CSK: variants seen among roughly 807,000 people sequenced by gnomAD.
CSK encodes the protein C-terminal Src kinase.
CSK carries 7 observed loss-of-function variants against 62.3 expected under a neutral mutation model. The observed-to-expected ratio is 0.11, with a 90% CI of 0.06 to 0.21. The LOEUF is 0.21. Among genes scored for constraint, CSK ranks in the 10% least tolerant of loss-of-function variants. The probability of loss-of-function intolerance (pLI) is 1.00; values close to 1 mark genes in which losing one functional copy is unlikely to be tolerated. For missense variants in CSK, 294 were observed against 613.5 expected, an observed-to-expected ratio of 0.48 and a Z score of 5.50; for synonymous variants, 237 against 246.0, an observed-to-expected ratio of 0.96 and a Z score of 0.34.
Position 74,798,470 on chromosome 15 carries a change from G to C in CSK, c.16-145G>C. ...TGGGGAAGTGGGGGAGTCTCAACAG[G>C]AAGGGACCCAGGGCTCGTTCTCCGG... On this transcript the variant is annotated intron_variant, in intron 2 of 12. Transcript: ENST00000220003. The surrounding 1 kb of genome is among the most constrained non-coding windows in gnomAD (Gnocchi z 6.6). 8.1e-7 allele frequency: 1 copy of C among 1,238,286 alleles called. No homozygotes were observed. Among genetic ancestry groups the C allele is most frequent in the Non-Finnish European group, 1.2e-6 (1 of 862,778 alleles). The allele number at this position is 1,238,286 out of a possible 1,614,324, so 76.7% of individuals were successfully genotyped here. A position where few individuals can be genotyped will look rare whatever the true frequency, so the allele number is the denominator to read the frequency against.
intron 1 of CSK, among the ~76,000 whole-genome samples, chr15:74,783,329 T>C (rs1285281603): frequency 6.6e-6 from 1 of 152,168 alleles, no homozygotes; most frequent in Non-Finnish European, 1.5e-5. Context: ...ATTAGCACCA[T>C]GCCCCCACCT....
At chr15:74,794,826 T>C (rs978555693) in intron 1 of CSK, among the ~76,000 whole-genome samples, 3 of 152,104 alleles carry the variant, frequency 2.0e-5, no homozygotes, top group South Asian at 2.1e-4. Context: ...CCCAGCTCCT[T>C]CTGCTCTCCA....
Position 74,799,344 on chromosome 15 carries a change from G to A in CSK, c.315G>A (p.Leu105=), listed in dbSNP as rs1225588693. 6.2e-7 allele frequency: 1 copy of A among 1,612,864 alleles called. No individual in the cohort carries two copies. Among genetic ancestry groups the A allele is most frequent in the African/African-American group, 1.3e-5 (1 of 74,908 alleles). Residue 105 remains leucine, a synonymous_variant, in exon 5 of 13, where the codon CTG becomes CTA. Transcript: ENST00000220003. ...ACCCGCCGGAGACAGGCCTGTTCCT[G>A]GTGCGGGAGAGCACCAACTACCCCG... ...LLYPPETGLF[L]VRESTNYPGD...
At chr15:74,784,937 C>T (rs943280403) in intron 1 of CSK, among the ~76,000 whole-genome samples, 4 of 152,104 alleles carry the variant, frequency 2.6e-5, no homozygotes, top group Non-Finnish European at 4.4e-5. Flanking sequence ...AGAAAGGCAT[C>T]CCATGGCAGA....
chr15:74,788,804 G>T (rs1482276880), intron 1 of CSK: 2 of 154,274 alleles, frequency 1.3e-5, no homozygotes, highest in African/African-American at 4.8e-5. Flanking sequence ...GACTTTGAAG[G>T]GTCCATTGAA....
intron 1 of CSK, among the ~76,000 whole-genome samples, chr15:74,783,699 G>T (rs1289224730): frequency 6.6e-6 from 1 of 152,228 alleles, no homozygotes; most frequent in East Asian, 1.9e-4. Context: ...AAGGGCTTCC[G>T]GCTCCAGCTG....
At chr15:74,796,209 A>C (rs1250422500) in intron 1 of CSK, among the ~76,000 whole-genome samples, 1 of 151,954 alleles carries the variant, frequency 6.6e-6, no homozygotes, top group Non-Finnish European at 1.5e-5. Context: ...TGGGCGACAG[A>C]GTCTTGCTGT....
intron 1 of CSK, among the ~76,000 whole-genome samples, chr15:74,796,861 T>G (rs1314269124): frequency 6.6e-6 from 1 of 152,208 alleles, no homozygotes; most frequent in Non-Finnish European, 1.5e-5. Flanking sequence ...TTGGCCAGAT[T>G]TTGAACTTTA....
At chr15:74,794,087 C>G (rs2063666166) in intron 1 of CSK, among the ~76,000 whole-genome samples, 1 of 151,730 alleles carries the variant, frequency 6.6e-6, no homozygotes, top group Non-Finnish European at 1.5e-5. Flanking sequence ...AATCCTCCTT[C>G]CCTCCCCGCC....
At chr15:74,785,521 G>A (rs1308793191) in intron 1 of CSK, among the ~76,000 whole-genome samples, 2 of 152,216 alleles carry the variant, frequency 1.3e-5, no homozygotes, top group Non-Finnish European at 2.9e-5. Flanking sequence ...TCACTGACCT[G>A]CTGAGCCTCG....
In CSK at chr15:74,798,392, C is replaced by T. The variant is rs764121171; in HGVS notation, c.15+80C>T. The T allele has an allele frequency of 2.0e-5, 31 of 1,532,182 alleles. No homozygotes were observed. The highest frequency in any genetic ancestry group is 3.4e-4 in the Middle Eastern group (2 of 5,936). The allele number at this position is 1,532,182 out of a possible 1,614,324, so 94.9% of individuals were successfully genotyped here. A position where few individuals can be genotyped will look rare whatever the true frequency, so the allele number is the denominator to read the frequency against. On this transcript the variant is annotated intron_variant, in intron 2 of 12. Transcript: ENST00000220003. The surrounding 1 kb of genome is among the most constrained non-coding windows in gnomAD (Gnocchi z 6.6). ...GGTGCTTAGCAGAGGAGAGAGGATG[C>T]AGCTTAGATCAACCCACTCCCCTTT...
At chr15:74,783,195 G>GT (rs2141765196) in intron 1 of CSK, among the ~76,000 whole-genome samples, 1 of 152,348 alleles carries the variant, frequency 6.6e-6, no homozygotes, top group East Asian at 1.9e-4. Flanking sequence ...CGGGTGAGCA[G>GT]TTAGAAGCCC....
In CSK at chr15:74,800,443, C is replaced by T. The variant is rs770536054; in HGVS notation, c.494C>T (p.Thr165Met). The T allele has an allele frequency of 6.2e-7, 1 of 1,614,090 alleles. No homozygotes were observed. Among genetic ancestry groups the T allele is most frequent in the Non-Finnish European group, 8.5e-7 (1 of 1,179,996 alleles). The change falls in exon 6 of 13, where the codon ACG becomes ATG. Residue 165 changes from threonine to methionine, a missense_variant. By Grantham distance (81) the Thr-to-Met change is moderately conservative. Coordinates refer to ENST00000220003, the MANE Select transcript of CSK (RefSeq NM_004383.3). ...HYTSDADGLC[T>M]RLIKPKVMEG... ...ACCTCAGACGCAGATGGACTCTGTA[C>T]GCGCCTCATTAAACCAAAGGTCATG...
intron 1 of CSK, among the ~76,000 whole-genome samples, chr15:74,792,800 G>A (rs907703535): frequency 2.6e-5 from 4 of 152,208 alleles, no homozygotes; most frequent in African/African-American, 7.2e-5. Flanking sequence ...GCCTGTTCCC[G>A]GGACCCCAGC....
In CSK at chr15:74,802,697, G is replaced by T; in HGVS notation, c.*184G>T. 1.4e-6 allele frequency: 1 copy of T among 695,748 alleles called. No individual in the cohort carries two copies. 43.1% of individuals were successfully genotyped at this position (695,748 alleles called of 1,614,324 possible). A position where few individuals can be genotyped will look rare whatever the true frequency, so the allele number is the denominator to read the frequency against. ...CTTGGACCCACCTGTGGGGCCTGGG[G>T]AGCCCACTGAGGGGCCAGGGAGGAA... On this transcript the variant is annotated 3_prime_UTR_variant, in exon 13 of 13. Coordinates refer to ENST00000220003, the MANE Select transcript of CSK (RefSeq NM_004383.3).
At chr15:74,792,269 C>G (rs1052639538) in intron 1 of CSK, among the ~76,000 whole-genome samples, 1 of 152,138 alleles carries the variant, frequency 6.6e-6, no homozygotes, top group South Asian at 2.1e-4. Flanking sequence ...GAAGCAGTTG[C>G]TCAGCTGCAC....
At chr15:74,791,477 C>T (rs964671821) in intron 1 of CSK, among the ~76,000 whole-genome samples, 1 of 152,054 alleles carries the variant, frequency 6.6e-6, no homozygotes, top group East Asian at 1.9e-4. Context: ...AGAACTTTAG[C>T]GTGTATCTCT....
intron 1 of CSK, among the ~76,000 whole-genome samples, chr15:74,797,092 G>T (rs1281056292): frequency 6.6e-6 from 1 of 152,076 alleles, no homozygotes; most frequent in African/African-American, 2.4e-5. Flanking sequence ...CAAGCACGCA[G>T]TACCACCCCC....
In CSK at chr15:74,798,295, A is replaced by G; in HGVS notation, c.-3A>G. ...ACTCGGGGACGCCAGAGCTCCTGAG[A>G]AGATGTCAGCAATACAGGTACCACA... On this transcript the variant is annotated 5_prime_UTR_variant, in exon 2 of 13. Coordinates refer to ENST00000220003, the MANE Select transcript of CSK (RefSeq NM_004383.3). This position sits in a 1 kb window ranked among gnomAD's most constrained non-coding sequence, Gnocchi z 6.6. The G allele has an allele frequency of 6.4e-7, 1 of 1,570,944 alleles. No individual in the cohort carries two copies. Among genetic ancestry groups the G allele is most frequent in the Non-Finnish European group, 8.6e-7 (1 of 1,157,796 alleles).
Sources: gnomAD v4.1 joint callset for allele counts (sites outside exome capture counted in the v4.1 genomes callset) on GRCh38, gnomAD v4.1.1 for gene constraint, Gnocchi (gnomAD v3.1) non-coding constraint, MANE v1.5 for transcripts, NCBI Gene and HGNC (gene_info 2026-07-23, HGNC 2026-07-21) for gene names.